CUBN: variants seen among roughly 807,000 people sequenced by gnomAD.
CUBN encodes the protein cubilin.
CUBN carries 282 observed loss-of-function variants against 405.3 expected under a neutral mutation model. That is an observed-to-expected ratio of 0.70 (90% CI 0.63 to 0.77). CUBN has a LOEUF of 0.77. Ranked by LOEUF, CUBN falls within the 30% of genes least tolerant of loss-of-function variation. CUBN has a pLI of 0.00. For synonymous variants in CUBN, 1,684 were observed against 1,617.0 expected, an observed-to-expected ratio of 1.04 and a Z score of -0.99; for missense variants, 4,514 against 4,475.2, an observed-to-expected ratio of 1.01 and a Z score of -0.25.
chr10:17,030,526 TG>T (rs1834765957), intron 27 of CUBN, among the ~76,000 whole-genome samples: 1 of 152,198 alleles, frequency 6.6e-6, no homozygotes, highest in Non-Finnish European at 1.5e-5. Context: ...TTCTGGAAAC[TG>T]AGGTAGGTAG....
At chr10:16,829,112 A>T in intron 65 of CUBN, 72 bp from the exon 66 acceptor site, 1 of 1,115,630 alleles carries the variant, frequency 9.0e-7, no homozygotes, top group Non-Finnish European at 1.3e-6. Flanking sequence ...GTTAGGCAAT[A>T]AGACTTTATT....
In CUBN at chr10:16,913,855, G is replaced by A. The variant is rs780824225; in HGVS notation, c.7489C>T (p.Leu2497=). 14 of 1,614,100 alleles carry A rather than the reference G, an allele frequency of 8.7e-6. No individual in the cohort carries two copies. In the Admixed American group the frequency reaches 1.5e-4, roughly 17 times the overall value. The change falls in exon 48 of 67, where the codon CTG becomes TTG. Residue 2497 remains leucine (L), a synonymous_variant. Transcript: ENST00000377833. ...GRRITLMFNN[L]RLATHPSCNN... ...CAGGACGGATGCGTGGCCAGCCTCA[G>A]GTTGTTAAACATTAGGGTGATCCGC...
rs763166450 is a variant in CUBN, at chr10:17,068,598, CT to C, written c.2791+6del. 49 of 1,605,900 alleles carry C rather than the reference CT, an allele frequency of 3.1e-5. No individual in the cohort carries two copies. The highest frequency in any genetic ancestry group is 4.1e-5 in the Non-Finnish European group (48 of 1,174,606). On this transcript the variant is annotated splice_donor_region_variant and intron_variant, in intron 20 of 66. Transcript: ENST00000377833. ...AGGAGGAAAAAAAAAAGGGAACAGT[CT>C]CTTACCCAAATCCTCAGCACTGAAC...
rs17347653 is a variant in CUBN at position 17,047,176 on chromosome 10, G to C, written c.3329+238C>G. On this transcript the variant is annotated intron_variant, in intron 23 of 66. Transcript: ENST00000377833. ...TTTCTTTGCCCACATAAAATCTGGA[G>C]TTTATTTTCAAGTATTTCCAATAAA... is the stretch of plus-strand genomic sequence containing the variant. Among the ~76,000 whole-genome samples, 5,719 of 152,216 alleles carry C rather than the reference G, an allele frequency of 0.038. 234 individuals carry two copies. The highest frequency in any genetic ancestry group is 0.22 in the South Asian group (1,075 of 4,826).
chr10:17,015,087 T>C (rs573270064), intron 28 of CUBN, among the ~76,000 whole-genome samples: 8 of 152,200 alleles, frequency 5.3e-5, no homozygotes, highest in South Asian at 2.1e-4. Context: ...ACTCCTAGAA[T>C]TGGGGTGTTG....
chr10:17,087,472 C>CTTTGTTTTTTTTTTTT (rs1202786680), intron 15 of CUBN, among the ~76,000 whole-genome samples: 1 of 71,710 alleles, frequency 1.4e-5, no homozygotes, highest in African/African-American at 4.7e-5. Flanking sequence ...TTTTCTTTTT[C>CTTTGTTTTTTTTTTTT]TTTTTTTTTT....
In CUBN at chr10:17,088,152, A is replaced by G; in HGVS notation, c.1947+12T>C. On this transcript the variant is annotated intron_variant, in intron 15 of 66. Transcript: ENST00000377833. ...ATATTGTGATATGTTCTATCTAAAT[A>G]TAATTATTTACCTCAAGGTAATCTT... is the stretch of plus-strand genomic sequence containing the variant. 6.2e-7 allele frequency: 1 copy of G among 1,601,102 alleles called. No homozygotes were observed. The highest frequency in any genetic ancestry group is 8.6e-7 in the Non-Finnish European group (1 of 1,168,458).
At chr10:17,010,686 G>C (rs761621679) in intron 28 of CUBN, among the ~76,000 whole-genome samples, 6 of 152,076 alleles carry the variant, frequency 3.9e-5, no homozygotes, top group Non-Finnish European at 7.4e-5. Context: ...TTGATGAAGA[G>C]GAAGGTCCAG....
chr10:16,874,315 G>A (rs1437387923), intron 58 of CUBN, 59 bp downstream of exon 58: 3 of 1,574,658 alleles, frequency 1.9e-6, no homozygotes, highest in African/African-American at 1.3e-5. Context: ...TAAACGAATG[G>A]CTCTTCTATA....
chr10:16,923,404 A>C (rs1842093772), intron 43 of CUBN, among the ~76,000 whole-genome samples: 1 of 152,166 alleles, frequency 6.6e-6, no homozygotes, highest in East Asian at 1.9e-4. Flanking sequence ...AAAAGGACCT[A>C]GGTTAAAGGC....
At chr10:16,968,747 A>T (rs1448505658) in intron 31 of CUBN, among the ~76,000 whole-genome samples, 3 of 152,246 alleles carry the variant, frequency 2.0e-5, no homozygotes, top group Non-Finnish European at 4.4e-5. Flanking sequence ...TGTCAGTCAG[A>T]GGTCACTTTA....
chr10:16,901,043 C>T (rs1258032219), intron 52 of CUBN, among the ~76,000 whole-genome samples, 193 bp from the exon 53 acceptor site: 1 of 151,804 alleles, frequency 6.6e-6, no homozygotes, highest in Non-Finnish European at 1.5e-5. Context: ...AAGACATTTC[C>T]CTGGTTTGGG....
chr10:16,986,001 T>G lies in CUBN; in HGVS notation c.4351-1722A>C, dbSNP rs1833406852. 2.0e-5 allele frequency among the ~76,000 whole-genome samples: 3 copies of G among 152,264 alleles called. No homozygotes were observed. The South Asian group carries it at 6.2e-4, about 32-fold the overall frequency. ...GACAGGTTTCTCAGTCTCCTCTGGG[T>G]CCTGTTTATCTCCTGTGTGTATGTG... On this transcript the variant is annotated intron_variant, in intron 29 of 66. Transcript: ENST00000377833.
chr10:16,968,295 A>C (rs1473097279), intron 31 of CUBN, among the ~76,000 whole-genome samples: 2 of 151,970 alleles, frequency 1.3e-5, no homozygotes, highest in Non-Finnish European at 2.9e-5. Flanking sequence ...AACAACAGAC[A>C]TTGCAGCTTT....
chr10:16,841,155 T>G (rs951512784), intron 60 of CUBN, 108 bp from the exon 61 acceptor site: 12 of 892,998 alleles, frequency 1.3e-5, no homozygotes, highest in Non-Finnish European at 2.0e-5. Context: ...ATTTTTACAT[T>G]GATTTTCTTA....
chr10:17,126,226 C>T (rs909682918), intron 4 of CUBN, among the ~76,000 whole-genome samples: 1 of 152,190 alleles, frequency 6.6e-6, no homozygotes, highest in African/African-American at 2.4e-5. Flanking sequence ...CAGCTTCCTA[C>T]AAAAGGGGTA....
rs577583383 is a variant in CUBN at position 17,072,086 on chromosome 10, T to C, written c.2302-115A>G. 8.6e-5 allele frequency: 68 copies of C among 795,208 alleles called. 1 individual carries two copies. The South Asian group carries it at 9.2e-4, about 11-fold the overall frequency. The allele number at this position is 795,208 out of a possible 1,614,324, so 49.3% of individuals were successfully genotyped here. Reference sequence around the variant, plus strand: ...ATTCAAAATGAATGATAATCCAATTTGAGTTACATATTTCTATTATTTTCT... The same window carrying C: ...ATTCAAAATGAATGATAATCCAATTCGAGTTACATATTTCTATTATTTTCT... On this transcript the variant is annotated intron_variant, in intron 17 of 66. Coordinates refer to ENST00000377833, the MANE Select transcript of CUBN (RefSeq NM_001081.4).
chr10:16,850,585 C>T lies in CUBN; in HGVS notation c.9663+650G>A, dbSNP rs12571456. On this transcript the variant is annotated intron_variant, in intron 60 of 66. Coordinates refer to ENST00000377833, the MANE Select transcript of CUBN (RefSeq NM_001081.4). ...CTCCCGGGTTCAAGCGATTCTCCTGCCTCAGCCTCTGGAGCAGCTGGGACT... is the reference window on the plus strand; with the variant it reads ...CTCCCGGGTTCAAGCGATTCTCCTGTCTCAGCCTCTGGAGCAGCTGGGACT... Among the ~76,000 whole-genome samples, 345 of 152,302 alleles carry T rather than the reference C, an allele frequency of 2.3e-3. 8 individuals are homozygous for T. The East Asian group carries it at 0.056, about 25-fold the overall frequency.
intron 3 of CUBN, among the ~76,000 whole-genome samples, chr10:17,127,589 G>A (rs1837228769): frequency 6.6e-6 from 1 of 151,932 alleles, no homozygotes; most frequent in South Asian, 2.1e-4. Context: ...CACTTGCAGT[G>A]AGCCACTGCT....
Sources: gnomAD v4.1 joint callset for allele counts (sites outside exome capture counted in the v4.1 genomes callset) on GRCh38, gnomAD v4.1.1 for gene constraint, MANE v1.5 for transcripts, NCBI Gene and HGNC (gene_info 2026-07-23, HGNC 2026-07-21) for gene names.